The following ZNF280D variants were observed in gnomAD, a reference collection of about 807,000 sequenced individuals.
ZNF280D encodes zinc finger protein 280D.
Under a neutral mutation model 94.7 loss-of-function variants are expected in ZNF280D, and 39 were observed. That is an observed-to-expected ratio of 0.41 (90% CI 0.32 to 0.54). ZNF280D has a LOEUF of 0.54. Ranked by LOEUF, ZNF280D falls within the 20% of genes least tolerant of loss-of-function variation. The pLI is 0.22. For missense variants in ZNF280D, 1,090 were observed against 1,149.3 expected (o/e 0.95, Z 0.75); for synonymous variants, 398 against 377.6 (o/e 1.05, Z -0.63).
intron 1 of ZNF280D, among the ~76,000 whole-genome samples, chr15:56,713,038 T>C (rs2057854684): frequency 6.6e-6 from 1 of 152,032 alleles, no homozygotes; most frequent in South Asian, 2.1e-4. Context: ...CCATGCCCGG[T>C]CAAATGGTTA....
At chr15:56,708,115 ATAAC>A (rs1182180297) in intron 1 of ZNF280D, among the ~76,000 whole-genome samples, 3 of 152,128 alleles carry the variant, frequency 2.0e-5, no homozygotes, top group African/African-American at 4.8e-5. Flanking sequence ...ACTGGAATAT[ATAAC>A]TAATTCAACC....
intron 21 of ZNF280D, 30 bp from the exon 22 acceptor site, chr15:56,632,152 T>G: frequency 1.3e-6 from 2 of 1,490,680 alleles, no homozygotes; most frequent in Non-Finnish European, 1.8e-6. Context: ...ATTATGTATT[T>G]CTTCATAAAG....
At chr15:56,653,183 G>A in intron 19 of ZNF280D, 6 of 1,041,358 alleles carry the variant, frequency 5.8e-6, no homozygotes, top group Non-Finnish European at 6.9e-6. Flanking sequence ...CTAACAACTA[G>A]AGTTTTTATA....
At chr15:56,727,243 T>G (rs1264582357) in intron 1 of ZNF280D, among the ~76,000 whole-genome samples, 1 of 94,584 alleles carries the variant, frequency 1.1e-5, no homozygotes, top group Non-Finnish European at 2.3e-5. Flanking sequence ...GTGGGTCACC[T>G]GAGGTCAGGA....
chr15:56,702,871 G>A (rs2057162721), intron 4 of ZNF280D, among the ~76,000 whole-genome samples: 1 of 147,286 alleles, frequency 6.8e-6, no homozygotes, highest in South Asian at 2.2e-4. Context: ...AAAAATTTTG[G>A]TCTCTTAATC....
rs1280625369 is a variant in ZNF280D, at chr15:56,668,937, A to G, written c.1431T>C (p.Cys477=). ...TCAAAAACTGCAGCCTGCATTTTGT[A>G]CAACGATGTATTCCTTTTTTCTGTT... ...MKHQKKGIHR[C]TKCRLQFLTC... Residue 477 remains cysteine, a synonymous_variant, in exon 14 of 22, where the codon TGT becomes TGC. Coordinates refer to ENST00000267807, the MANE Select transcript of ZNF280D (RefSeq NM_017661.4). 2 of 1,610,898 alleles carry G rather than the reference A, an allele frequency of 1.2e-6. No homozygotes were observed. The highest frequency in any genetic ancestry group is 2.7e-5 in the African/African-American group (2 of 74,730).
At position 56,677,570 on chromosome 15, in the gene ZNF280D, G is replaced by T; in HGVS notation, c.1263+4C>A. ...CTTAAAAAAACAATAAAATGTATGT[G>T]TACCTGGCAGACATATGGCATTTCA... On this transcript the variant is annotated splice_donor_region_variant and intron_variant, in intron 12 of 21. Coordinates refer to ENST00000267807, the MANE Select transcript of ZNF280D (RefSeq NM_017661.4). 1.3e-6 allele frequency: 2 copies of T among 1,583,226 alleles called. No homozygotes were observed. Among genetic ancestry groups the T allele is most frequent in the East Asian group, 2.2e-5 (1 of 44,508 alleles).
chr15:56,655,924 T>C (rs2053523894), intron 17 of ZNF280D, among the ~76,000 whole-genome samples: 1 of 152,194 alleles, frequency 6.6e-6, no homozygotes, highest in Non-Finnish European at 1.5e-5. Context: ...GTAATTTGAA[T>C]TGTAAACAGA....
intron 13 of ZNF280D, among the ~76,000 whole-genome samples, chr15:56,672,917 C>G (rs1214638452): frequency 6.6e-6 from 1 of 151,830 alleles, no homozygotes; most frequent in African/African-American, 2.4e-5. Context: ...TCTTGGCTCA[C>G]TACAGCCTTG....
chr15:56,634,853 C>T (rs1359774054), intron 21 of ZNF280D, among the ~76,000 whole-genome samples: 1 of 152,066 alleles, frequency 6.6e-6, no homozygotes, highest in African/African-American at 2.4e-5. Flanking sequence ...CTATGTGCAA[C>T]AACTGTTCCT....
rs2052092678 is a variant in ZNF280D, at chr15:56,631,892, A to T, written c.2546T>A (p.Met849Lys). ...TGAACTTTGGCACATCTTCAACTCC[A>T]TTTCCTGACAAACGTGTTGTATTTG... ...KKQIQHVCQE[M>K]ELKMCQSSEN... is the part of the protein sequence containing the mutation. Residue 849 changes from methionine (M) to lysine (K), a missense_variant, in exon 22 of 22, where the codon ATG (methionine) becomes AAG (lysine). Around this residue, in one of 3 missense-constraint regions of ZNF280D, gnomAD observed 577 missense variants for 568.8 expected, o/e 1.01. Coordinates refer to ENST00000267807, the MANE Select transcript of ZNF280D (RefSeq NM_017661.4). 1.2e-6 allele frequency: 2 copies of T among 1,613,742 alleles called. No individual in the cohort carries two copies. Among genetic ancestry groups the T allele is most frequent in the East Asian group, 2.2e-5 (1 of 44,866 alleles).
chr15:56,635,095 C>T (rs2052283692), intron 21 of ZNF280D, 100 bp downstream of exon 21: 2 of 651,166 alleles, frequency 3.1e-6, no homozygotes, highest in East Asian at 3.5e-5. Flanking sequence ...TATATACAAA[C>T]ATTTAAATAG....
intron 20 of ZNF280D, among the ~76,000 whole-genome samples, chr15:56,641,014 C>T (rs2052601557): frequency 6.6e-6 from 1 of 152,024 alleles, no homozygotes; most frequent in African/African-American, 2.4e-5. Flanking sequence ...GAAAACATTT[C>T]ACTGAATTTT....
intron 4 of ZNF280D, among the ~76,000 whole-genome samples, chr15:56,702,492 G>A (rs1350137681): frequency 6.6e-6 from 1 of 152,072 alleles, no homozygotes; most frequent in Admixed American, 6.6e-5. Context: ...CCTTCTTGAT[G>A]GAATTATTTT....
intron 20 of ZNF280D, among the ~76,000 whole-genome samples, chr15:56,636,603 C>A (rs754290483): frequency 1.3e-5 from 2 of 151,506 alleles, no homozygotes; most frequent in African/African-American, 4.9e-5. Context: ...CCTGTCTCAG[C>A]CCCCTGAGTA....
At chr15:56,697,715 A>T (rs1263886750) in intron 6 of ZNF280D, 1 of 152,184 alleles carries the variant, frequency 6.6e-6, no homozygotes, top group African/African-American at 2.4e-5. Flanking sequence ...CATTGGTTAT[A>T]TCTATCAATA....
chr15:56,685,427 A>T (rs1364889828), intron 9 of ZNF280D, among the ~76,000 whole-genome samples: 1 of 152,182 alleles, frequency 6.6e-6, no homozygotes, highest in African/African-American at 2.4e-5. Flanking sequence ...AACAAATAAA[A>T]ATTGGGAGAG....
chr15:56,631,319 T>G lies in ZNF280D; in HGVS notation c.*179A>C, dbSNP rs2052059572. 1.6e-6 allele frequency: 1 copy of G among 619,108 alleles called. No homozygotes were observed. Among genetic ancestry groups the G allele is most frequent in the Non-Finnish European group, 2.7e-6 (1 of 368,722 alleles). 38.4% of individuals were successfully genotyped at this position (619,108 alleles called of 1,614,324 possible). A position where few individuals can be genotyped will look rare whatever the true frequency, so the allele number is the denominator to read the frequency against. On this transcript the variant is annotated 3_prime_UTR_variant, in exon 22 of 22. Transcript: ENST00000267807. ...ACTTTTTGGGAATCCCTACTAATCA[T>G]GCTATTATTGGTGAATTGATTTGTT...
Position 56,658,416 on chromosome 15 carries a change from C to G in ZNF280D, c.2057+8G>C. The stretch of plus-strand genomic sequence containing the variant: ...AATAGAAAGAGTAAAAAAAGATCAA[C>G]TAGTTACCGGAGATTTTCTGAATGC... On this transcript the variant is annotated splice_region_variant and intron_variant, in intron 17 of 21. Transcript: ENST00000267807. 1 of 1,581,050 alleles carries G rather than the reference C, an allele frequency of 6.3e-7. No individual in the cohort carries two copies. The highest frequency in any genetic ancestry group is 8.6e-7 in the Non-Finnish European group (1 of 1,168,510).
Sources: allele counts gnomAD v4.1 joint callset (sites outside exome capture counted in the v4.1 genomes callset), GRCh38; gene constraint gnomAD v4.1.1; regional missense constraint gnomAD v4.1.1; transcripts MANE v1.5; gene names NCBI Gene and HGNC (gene_info 2026-07-23, HGNC 2026-07-21).